The following CSMD1 variants were observed in gnomAD, a reference collection of about 807,000 sequenced individuals.
CSMD1 encodes the protein CUB and Sushi multiple domains 1.
A neutral mutation model predicts 417.5 loss-of-function variants in CSMD1; 213 were observed. That is an observed-to-expected ratio of 0.51 (90% confidence interval 0.46 to 0.57). CSMD1 has a LOEUF of 0.57. Ranked by LOEUF, CSMD1 falls within the 20% of genes least tolerant of loss-of-function variation. The pLI is 0.00. For synonymous variants in CSMD1, 2,862 were observed against 1,736.8 expected (o/e 1.65, Z -16.11); for missense variants, 6,923 against 4,529.7 (o/e 1.53, Z -15.17).
intron 1 of CSMD1, among the ~76,000 whole-genome samples, chr8:4,735,323 G>A (rs746457619): frequency 1.3e-5 from 2 of 152,150 alleles, no homozygotes; most frequent in Non-Finnish European, 2.9e-5. Context: ...CAGCTACCAA[G>A]TTACCAAGCC....
intron 1 of CSMD1, among the ~76,000 whole-genome samples, chr8:4,760,306 A>C (rs553232824): frequency 6.6e-6 from 1 of 152,202 alleles, no homozygotes; most frequent in South Asian, 2.1e-4. Flanking sequence ...TAATTCTTCT[A>C]ATCCTTATAA....
At chr8:4,198,063 T>C (rs754328114) in intron 3 of CSMD1, among the ~76,000 whole-genome samples, 4 of 152,238 alleles carry the variant, frequency 2.6e-5, no homozygotes, top group African/African-American at 9.6e-5. Flanking sequence ...TCAGCGATTA[T>C]CAAAGCGCAA....
At chr8:3,227,831 G>A (rs1313927184) in intron 27 of CSMD1, among the ~76,000 whole-genome samples, 3 of 151,158 alleles carry the variant, frequency 2.0e-5, no homozygotes, top group African/African-American at 4.9e-5. Context: ...GCAGTGGTGC[G>A]ATCTTGGCTC....
At chr8:3,133,860 A>C (rs1817929165) in intron 41 of CSMD1, among the ~76,000 whole-genome samples, 1 of 152,214 alleles carries the variant, frequency 6.6e-6, no homozygotes, top group Middle Eastern at 3.2e-3. Flanking sequence ...AGGCCGGTCG[A>C]ATTCTTGCAA....
At chr8:3,099,592 C>T (rs1429880758) in intron 46 of CSMD1, among the ~76,000 whole-genome samples, 1 of 152,174 alleles carries the variant, frequency 6.6e-6, no homozygotes, top group Non-Finnish European at 1.5e-5. Flanking sequence ...TTTATAACTG[C>T]AGCTATAGTT....
At chr8:4,057,887 A>G (rs1798778622) in intron 3 of CSMD1, among the ~76,000 whole-genome samples, 4 of 151,952 alleles carry the variant, frequency 2.6e-5, no homozygotes, top group Admixed American at 2.6e-4. Flanking sequence ...TGTTCCATTG[A>G]TCTATATCTC....
intron 26 of CSMD1, among the ~76,000 whole-genome samples, chr8:3,235,511 C>G (rs142452306): frequency 2.6e-5 from 4 of 152,270 alleles, no homozygotes; most frequent in Non-Finnish European, 5.9e-5. Flanking sequence ...CCAGTTTCCC[C>G]TTAGACATTC....
chr8:3,648,243 C>T (rs992906282), intron 7 of CSMD1, among the ~76,000 whole-genome samples: 2 of 152,252 alleles, frequency 1.3e-5, no homozygotes, highest in Non-Finnish European at 1.5e-5. Context: ...TTTTACTTTG[C>T]TATTCCCCAA....
intron 1 of CSMD1, among the ~76,000 whole-genome samples, chr8:4,811,398 G>GT (rs1685733502): frequency 6.6e-6 from 1 of 151,904 alleles, no homozygotes. Context: ...TTTTTTTTAA[G>GT]TAATGTATTA....
At chr8:3,469,293 C>T (rs908302428) in intron 11 of CSMD1, 2 of 152,820 alleles carry the variant, frequency 1.3e-5, no homozygotes, top group African/African-American at 4.8e-5. Context: ...AAAAGGTTTT[C>T]ATTGTCTAGA....
chr8:3,146,836 G>C (rs1438525895), intron 40 of CSMD1, among the ~76,000 whole-genome samples: 1 of 152,168 alleles, frequency 6.6e-6, no homozygotes, highest in Non-Finnish European at 1.5e-5. Context: ...CATGGGAATG[G>C]GCTCTGGGAG....
intron 3 of CSMD1, among the ~76,000 whole-genome samples, chr8:4,113,435 C>T (rs1420963554): frequency 4.7e-5 from 6 of 128,460 alleles, no homozygotes; most frequent in South Asian, 2.5e-4. Flanking sequence ...GACAGTATCT[C>T]GCTCTGTCAC....
chr8:4,047,673 G>A (rs1490396716), intron 3 of CSMD1, among the ~76,000 whole-genome samples: 3 of 152,014 alleles, frequency 2.0e-5, no homozygotes, highest in Non-Finnish European at 4.4e-5. Flanking sequence ...GCAGAGAGAA[G>A]AAACACCATT....
At chr8:4,458,247 G>A (rs755034708) in intron 2 of CSMD1, among the ~76,000 whole-genome samples, 1 of 151,924 alleles carries the variant, frequency 6.6e-6, no homozygotes, top group East Asian at 1.9e-4. Context: ...CACTTAAATG[G>A]TTGCAGAGTA....
chr8:3,585,328 A>G (rs1301427873), intron 9 of CSMD1, among the ~76,000 whole-genome samples: 2 of 152,190 alleles, frequency 1.3e-5, no homozygotes, highest in East Asian at 3.8e-4. Context: ...GACTATATGG[A>G]AAGATAAGGT....
chr8:3,122,872 A>G (rs1157514121), intron 41 of CSMD1, among the ~76,000 whole-genome samples: 1 of 152,168 alleles, frequency 6.6e-6, no homozygotes, highest in Non-Finnish European at 1.5e-5. Flanking sequence ...CAGTAGCTAC[A>G]TTATATACAA....
intron 1 of CSMD1, among the ~76,000 whole-genome samples, chr8:4,663,971 G>C (rs549519889): frequency 1.3e-5 from 2 of 152,278 alleles, no homozygotes; most frequent in African/African-American, 2.4e-5. Flanking sequence ...TAAGACTGAG[G>C]AAGTGGCTCC....
chr8:3,712,285 C>G (rs981371673), intron 6 of CSMD1, among the ~76,000 whole-genome samples: 10 of 152,036 alleles, frequency 6.6e-5, no homozygotes, highest in African/African-American at 2.2e-4. Context: ...TTGGGTTCTC[C>G]TCTTTTCTTC....
In CSMD1 at chr8:4,312,679, C is replaced by T. The variant is rs374247972; in HGVS notation, c.415+107274G>A. 2.8e-3 allele frequency among the ~76,000 whole-genome samples: 425 copies of T among 151,910 alleles called. 6 individuals are homozygous for T. In the South Asian group the frequency reaches 0.045, roughly 16 times the overall value. On this transcript the variant is annotated intron_variant, in intron 3 of 69. Transcript: ENST00000635120. ...ATCACCTGAGGTCAGGAGTTTGAGA[C>T]CAGCCTGGCCAACCTGACGAAACCC...
Sources: allele counts gnomAD v4.1 joint callset (sites outside exome capture counted in the v4.1 genomes callset), GRCh38; gene constraint gnomAD v4.1.1; transcripts MANE v1.5; gene names NCBI Gene and HGNC (gene_info 2026-07-23, HGNC 2026-07-21).